RPS6KA2: variants seen among roughly 807,000 people sequenced by gnomAD.
RPS6KA2 encodes ribosomal protein S6 kinase alpha-2.
Under a neutral mutation model 91.8 loss-of-function variants are expected in RPS6KA2, and 42 were observed. The observed-to-expected ratio is 0.46, with a 90% confidence interval of 0.36 to 0.59. The LOEUF is 0.59. RPS6KA2 is among the 20% of genes least tolerant of loss of function. RPS6KA2 has a pLI of 0.00. For synonymous variants in RPS6KA2, 414 were observed against 393.6 expected (o/e 1.05, Z -0.61); for missense variants, 798 against 978.5 (o/e 0.82, Z 2.46).
chr6:166,657,496 C>A (rs894195520), intron 2 of RPS6KA2, among the ~76,000 whole-genome samples: 2 of 152,184 alleles, frequency 1.3e-5, no homozygotes, highest in African/African-American at 4.8e-5. Flanking sequence ...AAGAGGAATA[C>A]GTCCTCATTG....
intron 2 of RPS6KA2, among the ~76,000 whole-genome samples, chr6:166,704,778 G>A (rs1239574249): frequency 6.6e-6 from 1 of 152,176 alleles, no homozygotes; most frequent in African/African-American, 2.4e-5. Context: ...TCTGCATTCT[G>A]GGCTCCAAGG....
intron 2 of RPS6KA2, among the ~76,000 whole-genome samples, chr6:166,828,804 C>A (rs952015693): frequency 2.0e-5 from 3 of 150,860 alleles, no homozygotes; most frequent in Non-Finnish European, 4.4e-5. Flanking sequence ...GCACAGGCAA[C>A]AACAACAAAA....
At chr6:166,710,455 G>A (rs113282567) in intron 2 of RPS6KA2, among the ~76,000 whole-genome samples, 1 of 150,800 alleles carries the variant, frequency 6.6e-6, no homozygotes, top group African/African-American at 2.4e-5. Flanking sequence ...CGGTGTTTGT[G>A]GGGTATATGT....
Position 166,711,368 on chromosome 6 carries a change from A to AG in RPS6KA2, c.123+146831_123+146832insC, listed in dbSNP as rs1194419717. Among the ~76,000 whole-genome samples the AG allele has an allele frequency of 4.0e-5, 6 of 149,412 alleles. No individual in the cohort carries two copies. The East Asian group carries it at 5.9e-4, about 15-fold the overall frequency. The stretch of plus-strand genomic sequence containing the variant: ...AGTCTAGGTTCCAATTTAAAAAAAA[A>AG]TCACTAATTACACAAAGAACCAGGA... On this transcript the variant is annotated intron_variant, in intron 2 of 21. Transcript: ENST00000503859.
chr6:166,723,174 G>C (rs1790228168), intron 2 of RPS6KA2, among the ~76,000 whole-genome samples: 1 of 152,226 alleles, frequency 6.6e-6, no homozygotes, highest in South Asian at 2.1e-4. Context: ...GGCAGGCTTG[G>C]GTTGCCCCTG....
At chr6:166,514,262 T>A (rs544176333) in intron 3 of RPS6KA2, among the ~76,000 whole-genome samples, 2 of 152,202 alleles carry the variant, frequency 1.3e-5, no homozygotes, top group African/African-American at 4.8e-5. Context: ...GTTTGGAATG[T>A]GAAGAGGCAG....
rs555339571 is a variant in RPS6KA2 at position 166,614,017 on chromosome 6, A to C, written c.99+12904T>G. Among the ~76,000 whole-genome samples the C allele has an allele frequency of 3.4e-4, 52 of 152,294 alleles. No individual in the cohort carries two copies. The East Asian group carries it at 6.0e-3, about 18-fold the overall frequency. ...TTCTGGCAGGTGCCAGATGAGGCCA[A>C]AGCCCAGTCAGCTCAGGAACCAGGC... On this transcript the variant is annotated intron_variant, in intron 1 of 20. Coordinates refer to ENST00000265678, the MANE Select transcript of RPS6KA2 (RefSeq NM_021135.6).
intron 2 of RPS6KA2, among the ~76,000 whole-genome samples, chr6:166,685,171 GC>G (rs1788968458): frequency 6.6e-6 from 1 of 152,128 alleles, no homozygotes; most frequent in Non-Finnish European, 1.5e-5. Flanking sequence ...TGTGCAGGCT[GC>G]GGGGACAGAG....
chr6:166,572,689 G>T (rs1331674413), intron 1 of RPS6KA2, among the ~76,000 whole-genome samples: 1 of 152,234 alleles, frequency 6.6e-6, no homozygotes, highest in African/African-American at 2.4e-5. Flanking sequence ...ACCTGGACCA[G>T]CAAGGCCCCC....
chr6:166,771,190 A>G (rs1039452362), intron 2 of RPS6KA2, among the ~76,000 whole-genome samples: 6 of 152,148 alleles, frequency 3.9e-5, no homozygotes, highest in African/African-American at 1.2e-4. Flanking sequence ...ACCAACCTCA[A>G]AGCTCAACGG....
chr6:166,616,202 A>G (rs1786405666), intron 1 of RPS6KA2, among the ~76,000 whole-genome samples: 1 of 152,184 alleles, frequency 6.6e-6, no homozygotes, highest in Non-Finnish European at 1.5e-5. Flanking sequence ...TGTAAGGCAG[A>G]TGTTATACTA....
At chr6:166,498,941 C>T (rs563984322) in intron 7 of RPS6KA2, among the ~76,000 whole-genome samples, 35 of 152,254 alleles carry the variant, frequency 2.3e-4, no homozygotes, top group South Asian at 1.2e-3. Context: ...CAGTCAGTGA[C>T]GGGAACTCCC....
intron 1 of RPS6KA2, among the ~76,000 whole-genome samples, chr6:166,585,200 G>A (rs1041763074): frequency 1.3e-5 from 2 of 152,218 alleles, no homozygotes; most frequent in Admixed American, 6.5e-5. Context: ...CTCTGGCTAC[G>A]TGAAAAAGAG....
At chr6:166,498,390 T>A in intron 8 of RPS6KA2, 118 bp downstream of exon 8, 1 of 1,192,312 alleles carries the variant, frequency 8.4e-7, no homozygotes, top group Non-Finnish European at 1.1e-6. Flanking sequence ...TTGCCCAGTG[T>A]CCCAAGCCCT....
intron 2 of RPS6KA2, among the ~76,000 whole-genome samples, chr6:166,850,044 G>A (rs1050134325): frequency 5.3e-5 from 8 of 152,186 alleles, no homozygotes; most frequent in African/African-American, 1.9e-4. Flanking sequence ...TTCCTTCTTG[G>A]TGGCCACTCA....
At chr6:166,517,880 C>T (rs183689584) in intron 3 of RPS6KA2, among the ~76,000 whole-genome samples, 9 of 152,294 alleles carry the variant, frequency 5.9e-5, no homozygotes, top group Admixed American at 5.2e-4. Flanking sequence ...TATTTGGGCC[C>T]ATCCCTTTAT....
chr6:166,421,313 T>C (rs549015172), intron 17 of RPS6KA2, among the ~76,000 whole-genome samples: 39 of 152,182 alleles, frequency 2.6e-4, no homozygotes, highest in South Asian at 4.1e-4. Flanking sequence ...AAAATCAATA[T>C]TGTGGGAGAC....
chr6:166,529,770 T>G (rs1783200664), intron 3 of RPS6KA2, among the ~76,000 whole-genome samples: 1 of 152,156 alleles, frequency 6.6e-6, no homozygotes, highest in African/African-American at 2.4e-5. Flanking sequence ...AGATCAGGAG[T>G]GGGGCCAGGA....
intron 1 of RPS6KA2, among the ~76,000 whole-genome samples, chr6:166,543,515 G>T (rs1402371614): frequency 6.6e-6 from 1 of 152,084 alleles, no homozygotes; most frequent in Non-Finnish European, 1.5e-5. Flanking sequence ...ATAGCACTGG[G>T]CATGGCTATT....
Sources: allele counts gnomAD v4.1 joint callset (sites outside exome capture counted in the v4.1 genomes callset), GRCh38; gene constraint gnomAD v4.1.1; transcripts MANE v1.5; gene names NCBI Gene and HGNC (gene_info 2026-07-23, HGNC 2026-07-21).